ADGRV1: variants seen among roughly 807,000 people sequenced by gnomAD.
ADGRV1 encodes G-protein coupled receptor 98.
A neutral mutation model predicts 596.2 loss-of-function variants in ADGRV1; 359 were observed. That is an observed-to-expected ratio of 0.60 (90% CI 0.55 to 0.66). The LOEUF (loss-of-function observed/expected upper bound fraction) is 0.66. Among genes scored for constraint, ADGRV1 ranks in the 30% least tolerant of loss-of-function variants. The probability of loss-of-function intolerance (pLI) is 0.00; values close to 1 mark genes in which losing one functional copy is unlikely to be tolerated. For synonymous variants in ADGRV1, 2,681 were observed against 2,679.2 expected (o/e 1.00, Z -0.02); for missense variants, 7,274 against 7,575.6 (o/e 0.96, Z 1.48).
chr5:91,027,310 C>T (rs1784101155), intron 85 of ADGRV1, among the ~76,000 whole-genome samples: 1 of 152,066 alleles, frequency 6.6e-6, no homozygotes, highest in Admixed American at 6.6e-5. Context: ...AGTCCCTGGA[C>T]TCCTCATCCT....
At chr5:90,569,388 T>TATA (rs1554048594) in intron 1 of ADGRV1, among the ~76,000 whole-genome samples, 7 of 18,806 alleles carry the variant, frequency 3.7e-4, no homozygotes, top group African/African-American at 4.7e-4. Flanking sequence ...TATATATATA[T>TATA]TTTTTTTTTT....
At position 90,865,973 on chromosome 5, in the gene ADGRV1, A is replaced by G. The variant is rs559341138; in HGVS notation, c.17856+2116A>G. Among the ~76,000 whole-genome samples, 18 of 152,164 alleles carry G rather than the reference A, an allele frequency of 1.2e-4. No homozygotes were observed. In the East Asian group the frequency reaches 2.9e-3, roughly 24 times the overall value. On this transcript the variant is annotated intron_variant, in intron 83 of 89. Coordinates refer to ENST00000405460, the MANE Select transcript of ADGRV1 (RefSeq NM_032119.4). ...ATTGTCATTTTTGGAGGTTAAATCA[A>G]CTCTAGAGAAGTCTTAAAAAAATGC...
chr5:90,939,313 G>T (rs1775975778), intron 83 of ADGRV1, among the ~76,000 whole-genome samples: 1 of 152,074 alleles, frequency 6.6e-6, no homozygotes, highest in African/African-American at 2.4e-5. Flanking sequence ...GCAGTTTTAG[G>T]GTATTAGTTT....
chr5:90,874,222 G>C (rs1236577533), intron 83 of ADGRV1, among the ~76,000 whole-genome samples: 3 of 152,010 alleles, frequency 2.0e-5, no homozygotes, highest in Non-Finnish European at 4.4e-5. Flanking sequence ...GCTTCTTCTT[G>C]TCCTACATCC....
rs754011858 is a variant in ADGRV1, at chr5:90,672,741, G to C, written c.4929+19G>C. 7.7e-6 allele frequency: 12 copies of C among 1,557,730 alleles called. No individual in the cohort carries two copies. Among genetic ancestry groups the C allele is most frequent in the Non-Finnish European group, 1.0e-5 (12 of 1,149,244 alleles). ...ATCAGAGGTAAACCCTACCTTTTTTGTTCCTTTGAAAGCCTCCTGGAAAGC... is the reference window on the plus strand; with the variant it reads ...ATCAGAGGTAAACCCTACCTTTTTTCTTCCTTTGAAAGCCTCCTGGAAAGC... On this transcript the variant is annotated intron_variant, in intron 22 of 89. Transcript: ENST00000405460.
At chr5:90,686,387 C>G (rs1745650960) in intron 29 of ADGRV1, among the ~76,000 whole-genome samples, 1 of 152,052 alleles carries the variant, frequency 6.6e-6, no homozygotes, top group Non-Finnish European at 1.5e-5. Flanking sequence ...ACAACAGTCC[C>G]CAGAGTGTGA....
chr5:90,711,478 A>G (rs2149718325), intron 41 of ADGRV1, among the ~76,000 whole-genome samples, 156 bp downstream of exon 41: 1 of 152,322 alleles, frequency 6.6e-6, no homozygotes, highest in Middle Eastern at 3.4e-3. Context: ...TCCTCATGGT[A>G]AAATAGTTCC....
chr5:90,966,530 CAAAAAAAA>C (rs67304974), intron 84 of ADGRV1, among the ~76,000 whole-genome samples: 3 of 100,716 alleles, frequency 3.0e-5, no homozygotes, highest in East Asian at 2.8e-4. Flanking sequence ...GAAACTCTGC[CAAAAAAAA>C]AAAAAAAAAA....
At chr5:90,776,987 C>A (rs1021724450) in intron 61 of ADGRV1, among the ~76,000 whole-genome samples, 2 of 152,098 alleles carry the variant, frequency 1.3e-5, no homozygotes, top group African/African-American at 4.8e-5. Flanking sequence ...TTCAAGTGTT[C>A]TAAAATCAGA....
chr5:90,680,740 C>G (rs1451725907), intron 26 of ADGRV1, among the ~76,000 whole-genome samples: 2 of 152,260 alleles, frequency 1.3e-5, no homozygotes, highest in African/African-American at 4.8e-5. Context: ...GACATTAATG[C>G]AACATAAAAT....
chr5:90,627,962 A>AC (rs1554064823), intron 7 of ADGRV1, 186 bp downstream of exon 7: 17 of 407,130 alleles, frequency 4.2e-5, no homozygotes, highest in Non-Finnish European at 6.5e-5. Flanking sequence ...ACACACACAC[A>AC]AGAATATGTC....
chr5:90,968,835 AT>A (rs533866203), intron 84 of ADGRV1, among the ~76,000 whole-genome samples: 1 of 152,092 alleles, frequency 6.6e-6, no homozygotes, highest in South Asian at 2.1e-4. Flanking sequence ...ATTCTACTTC[AT>A]TTTTTTAGTA....
intron 87 of ADGRV1, among the ~76,000 whole-genome samples, chr5:91,131,290 G>T (rs1352480852): frequency 6.6e-6 from 1 of 152,070 alleles, no homozygotes; most frequent in African/African-American, 2.4e-5. Flanking sequence ...GTTATTTTCT[G>T]ACATTTTAAG....
At chr5:91,074,120 T>C (rs1179482129) in intron 86 of ADGRV1, among the ~76,000 whole-genome samples, 1 of 152,238 alleles carries the variant, frequency 6.6e-6, no homozygotes, top group Non-Finnish European at 1.5e-5. Context: ...GTTTTTTCAG[T>C]TTTAATACTC....
chr5:91,156,654 T>A, intron 89 of ADGRV1, among the ~76,000 whole-genome samples: 1 of 152,222 alleles, frequency 6.6e-6, no homozygotes, highest in East Asian at 1.9e-4. Flanking sequence ...CTTCCTTACT[T>A]ATAGATTTGT....
chr5:91,002,945 A>T (rs10514342), intron 85 of ADGRV1, among the ~76,000 whole-genome samples: 33,533 of 152,060 alleles, frequency 0.22, 4,103 homozygotes, highest in Non-Finnish European at 0.28. Flanking sequence ...TAGTTATCTG[A>T]TACTTTAAAA....
At chr5:90,996,924 G>A (rs1412870283) in intron 85 of ADGRV1, among the ~76,000 whole-genome samples, 3 of 152,076 alleles carry the variant, frequency 2.0e-5, no homozygotes, top group Admixed American at 6.5e-5. Context: ...CCTTTGTTTT[G>A]GCCAATTTCT....
chr5:90,726,994 T>A (rs1751879320), intron 48 of ADGRV1, among the ~76,000 whole-genome samples: 1 of 152,208 alleles, frequency 6.6e-6, no homozygotes, highest in African/African-American at 2.4e-5. Context: ...CTATGAAACT[T>A]GTTACTTCAG....
In ADGRV1 at chr5:90,829,014, G is replaced by A. The variant is rs772117132; in HGVS notation, c.16439G>A (p.Ser5480Asn). 33 of 1,609,820 alleles carry A rather than the reference G, an allele frequency of 2.0e-5. No individual in the cohort carries two copies. In the East Asian group the frequency reaches 6.2e-4, roughly 30 times the overall value. ...ACTGCTGGAGCAGCAATAAACAACAGTGCCAGATTCGCACAGATTAAAATC... is the reference window on the plus strand; with the variant it reads ...ACTGCTGGAGCAGCAATAAACAACAATGCCAGATTCGCACAGATTAAAATC... ...EATAGAAINN[S>N]ARFAQIKILE... Residue 5480 changes from serine (S) to asparagine (N), a missense_variant, in exon 77 of 90, where the codon AGT (serine) becomes AAT (asparagine). Physicochemically the swap from Ser to Asn is conservative, Grantham distance 46. Around this residue, in one of 5 missense-constraint regions of ADGRV1, gnomAD observed 1,874 missense variants for 1,970.2 expected, o/e 0.95. Coordinates refer to ENST00000405460, the MANE Select transcript of ADGRV1 (RefSeq NM_032119.4).
Sources: allele counts gnomAD v4.1 joint callset (sites outside exome capture counted in the v4.1 genomes callset), GRCh38; gene constraint gnomAD v4.1.1; regional missense constraint gnomAD v4.1.1; transcripts MANE v1.5; gene names NCBI Gene and HGNC (gene_info 2026-07-23, HGNC 2026-07-21).